CCDC74A: variants seen among roughly 807,000 people sequenced by gnomAD.
CCDC74A encodes coiled-coil domain containing 74A.
CCDC74A carries 38 observed loss-of-function variants against 37.6 expected under a neutral mutation model. That is an observed-to-expected ratio of 1.01 (90% CI 0.78 to 1.33). The LOEUF (loss-of-function observed/expected upper bound fraction) is 1.33. CCDC74A is among the 40% of genes most tolerant of loss of function. CCDC74A has a pLI of 0.00. For missense variants in CCDC74A, 340 were observed against 403.4 expected, an observed-to-expected ratio of 0.84 and a Z score of 1.35; for synonymous variants, 134 against 165.2, an observed-to-expected ratio of 0.81 and a Z score of 1.45.
At chr2:131,527,662 A>G, upstream of CCDC74A, 1 of 361,592 alleles carries the variant, frequency 2.8e-6, no homozygotes. Context: ...ACCCGGCTAC[A>G]TTTTGTATTT....
rs1681585635 is a variant in CCDC74A at position 131,532,797 on chromosome 2, G to A, written c.678+16G>A. 2 of 1,612,952 alleles carry A rather than the reference G, an allele frequency of 1.2e-6. No individual in the cohort carries two copies. Among genetic ancestry groups the A allele is most frequent in the African/African-American group, 2.7e-5 (2 of 74,888 alleles). ...GACCCAAGAGGTGAGGCCCTGGGTGGTGGGGGTGGCCCTGGGCAGTCTGGC... is the reference window on the plus strand; with the variant it reads ...GACCCAAGAGGTGAGGCCCTGGGTGATGGGGGTGGCCCTGGGCAGTCTGGC... On this transcript the variant is annotated intron_variant, in intron 5 of 7. Transcript: ENST00000409856.
intron 1 of CCDC74A, chr2:131,528,429 G>A: frequency 6.4e-7 from 1 of 1,550,552 alleles, no homozygotes; most frequent in Non-Finnish European, 8.7e-7. Flanking sequence ...GACCCTGTCT[G>A]CCTGTCTCGT....
chr2:131,529,810 G>A, intron 2 of CCDC74A, 119 bp downstream of exon 2: 2 of 1,547,656 alleles, frequency 1.3e-6, no homozygotes, highest in Non-Finnish European at 1.7e-6. Context: ...GTGGGTACAG[G>A]TTCTGGGGGA....
At chr2:131,525,303 G>A (rs1275574016), upstream of CCDC74A, among the ~76,000 whole-genome samples, 1 of 152,058 alleles carries the variant, frequency 6.6e-6, no homozygotes, top group Non-Finnish European at 1.5e-5. Context: ...CCAAGCTGGA[G>A]TGCAGTGGTG....
chr2:131,533,372 C>A lies in CCDC74A; in HGVS notation c.913C>A (p.Arg305=). 6.2e-7 allele frequency: 1 copy of A among 1,613,486 alleles called. No homozygotes were observed. The highest frequency in any genetic ancestry group is 8.5e-7 in the Non-Finnish European group (1 of 1,179,976). The part of the protein sequence containing the change: ...RQKRLQAMQK[R]RLHRSVL ...GAAGAGGCTGCAGGCAATGCAGAAACGGCGCCTGCATCGCTCAGTGCTTTG... is the reference window on the plus strand; with the variant it reads ...GAAGAGGCTGCAGGCAATGCAGAAAAGGCGCCTGCATCGCTCAGTGCTTTG... The change falls in exon 8 of 8, where the codon CGG becomes AGG. Residue 305 remains arginine (R), a synonymous_variant. Transcript: ENST00000409856.
At chr2:131,523,934 G>A (rs116579108), upstream of CCDC74A, among the ~76,000 whole-genome samples, 5 of 151,898 alleles carry the variant, frequency 3.3e-5, no homozygotes, top group Non-Finnish European at 5.9e-5. Context: ...TGGGAAAGGG[G>A]CTAGTCTAGA....
rs775296893 is a variant in CCDC74A, at chr2:131,532,675, A to C, written c.572A>C (p.His191Pro). The C allele has an allele frequency of 3.3e-5, 54 of 1,612,776 alleles. No homozygotes were observed. Among genetic ancestry groups the C allele is most frequent in the Non-Finnish European group, 4.3e-5 (51 of 1,179,536 alleles). Residue 191 changes from histidine to proline, a missense_variant, in exon 5 of 8, where the codon CAC becomes CCC. Around this residue, in one of 3 missense-constraint regions of CCDC74A, gnomAD observed 185 missense variants for 231.5 expected, o/e 0.80. Transcript: ENST00000409856. Reference protein sequence around the residue: ...HQGRQMGAGAHPPMILPLPLR... With the variant: ...HQGRQMGAGAPPPMILPLPLR... ...GGCAGGCAGATGGGGGCGGGGGCACACCCCCCAATGATCCTGCCCCTTCCC... is the reference window on the plus strand; with the variant it reads ...GGCAGGCAGATGGGGGCGGGGGCACCCCCCCCAATGATCCTGCCCCTTCCC...
At chr2:131,526,825 G>C (rs1183650456), upstream of CCDC74A, among the ~76,000 whole-genome samples, 1 of 152,132 alleles carries the variant, frequency 6.6e-6, no homozygotes, top group Non-Finnish European at 1.5e-5. Context: ...TTGTCTCCCT[G>C]TTGCCTTTAC....
At chr2:131,530,454 A>G (rs1012692504) in intron 2 of CCDC74A, 36 of 1,544,400 alleles carry the variant, frequency 2.3e-5, no homozygotes, top group African/African-American at 5.5e-5. Context: ...TGTTCTGGGC[A>G]AAGTGTGGCC....
rs753026886 is a variant in CCDC74A at position 131,533,083 on chromosome 2, G to T, written c.809+14G>T. On this transcript the variant is annotated intron_variant, in intron 7 of 7. Transcript: ENST00000409856. ...CTCCAAGAAATGGTAAGTCCCACAG[G>T]CATGGGGACAGTGGGGCAGCCCTGC... 12 of 1,613,718 alleles carry T rather than the reference G, an allele frequency of 7.4e-6. No homozygotes were observed. In the South Asian group the frequency reaches 1.1e-4, roughly 15 times the overall value.
At chr2:131,531,923 T>TGG in intron 4 of CCDC74A, 121 bp downstream of exon 4, 1 of 1,247,064 alleles carries the variant, frequency 8.0e-7, no homozygotes, top group Non-Finnish European at 1.1e-6. Context: ...GCTCTGCCCC[T>TGG]AGCTCCAGGG....
At chr2:131,528,736 G>A (rs1680652738) in intron 1 of CCDC74A, 1 of 367,462 alleles carries the variant, frequency 2.7e-6, no homozygotes, top group East Asian at 7.3e-5. Flanking sequence ...GCGTGAACCC[G>A]GGAGGCGGAG....
chr2:131,532,144 T>C (rs1337271233), intron 4 of CCDC74A, among the ~76,000 whole-genome samples: 1 of 149,116 alleles, frequency 6.7e-6, no homozygotes, highest in African/African-American at 2.4e-5. Flanking sequence ...GGCCACAGCC[T>C]GCCTTTGGAG....
rs777083180 is a variant in CCDC74A at position 131,533,358 on chromosome 2, A to G, written c.899A>G (p.Gln300Arg). Residue 300 changes from glutamine (Q) to arginine (R), a missense_variant, in exon 8 of 8, where the codon CAG becomes CGG. Gln to Arg is a conservative substitution (Grantham distance 43). Around this residue, in one of 3 missense-constraint regions of CCDC74A, gnomAD observed 185 missense variants for 231.5 expected, o/e 0.80. Transcript: ENST00000409856. ...NNFAERQKRL[Q>R]AMQKRRLHRS... ...TTTGCCGAGAGGCAGAAGAGGCTGC[A>G]GGCAATGCAGAAACGGCGCCTGCAT... 5 of 1,613,550 alleles carry G rather than the reference A, an allele frequency of 3.1e-6. No individual in the cohort carries two copies. Among genetic ancestry groups the G allele is most frequent in the Non-Finnish European group, 4.2e-6 (5 of 1,179,986 alleles).
chr2:131,533,422 A>T lies in CCDC74A; in HGVS notation c.*24A>T, dbSNP rs1229018455. On this transcript the variant is annotated 3_prime_UTR_variant, in exon 8 of 8. Transcript: ENST00000409856. Reference sequence around the variant, plus strand: ...GAGCCACCCCAATCTGGTCAGTGCCAGGCCCACCAACCTGCAGCTGGAGAC... The same window carrying T: ...GAGCCACCCCAATCTGGTCAGTGCCTGGCCCACCAACCTGCAGCTGGAGAC... 2 of 1,610,828 alleles carry T rather than the reference A, an allele frequency of 1.2e-6. No individual in the cohort carries two copies. The highest frequency in any genetic ancestry group is 1.7e-6 in the Non-Finnish European group (2 of 1,178,154).
rs141590091 is a variant in CCDC74A, at chr2:131,530,759, C to T, written c.296-18C>T. 1,440 of 1,612,870 alleles carry T rather than the reference C, an allele frequency of 8.9e-4. 2 individuals carry two copies. Among genetic ancestry groups the T allele is most frequent in the Non-Finnish European group, 8.5e-4 (999 of 1,179,780 alleles). On this transcript the variant is annotated intron_variant, in intron 2 of 7. Coordinates refer to ENST00000409856, the MANE Select transcript of CCDC74A (RefSeq NM_001258306.3). ...CGTCTTGCGGGCGGTAGCGCCGACACTGTGCGCTCTCCTGCAGACAGCCTC... is the reference window on the plus strand; with the variant it reads ...CGTCTTGCGGGCGGTAGCGCCGACATTGTGCGCTCTCCTGCAGACAGCCTC...
At chr2:131,528,770 G>A (rs555727077) in intron 1 of CCDC74A, 3 of 354,756 alleles carry the variant, frequency 8.5e-6, no homozygotes, top group African/African-American at 4.3e-5. Flanking sequence ...GAGATCTTGC[G>A]ACTGCACTCC....
At chr2:131,529,949 C>T in intron 2 of CCDC74A, 2 of 1,506,942 alleles carry the variant, frequency 1.3e-6, no homozygotes, top group Non-Finnish European at 1.8e-6. Context: ...GGGTGCTCCC[C>T]AGACCTCCCT....
chr2:131,523,815 C>T (rs1346712846), upstream of CCDC74A, among the ~76,000 whole-genome samples: 1 of 152,036 alleles, frequency 6.6e-6, no homozygotes, highest in East Asian at 1.9e-4. Flanking sequence ...ACCCGAAAAC[C>T]TCAGATGGGC....
Sources: gnomAD v4.1 joint callset for allele counts (sites outside exome capture counted in the v4.1 genomes callset) on GRCh38, gnomAD v4.1.1 for gene constraint, gnomAD v4.1.1 regional missense constraint, MANE v1.5 for transcripts, NCBI Gene and HGNC (gene_info 2026-07-23, HGNC 2026-07-21) for gene names.